Variants in MBNL2 observed in about 807,000 individuals in gnomAD.
The protein encoded by MBNL2 is muscleblind-like protein 2.
A neutral mutation model predicts 41.9 loss-of-function variants in MBNL2; 17 were observed. The ratio of observed to expected loss-of-function variants is 0.41; its 90% CI spans 0.28 to 0.61. The LOEUF (loss-of-function observed/expected upper bound fraction) is 0.61, where lower values mean the gene tolerates loss of function less well. MBNL2 is among the 20% of genes least tolerant of loss of function. The pLI is 0.35. For missense variants in MBNL2, 336 were observed against 505.6 expected, an observed-to-expected ratio of 0.66 and a Z score of 3.22; for synonymous variants, 195 against 182.9, an observed-to-expected ratio of 1.07 and a Z score of -0.53.
chr13:97,277,469 A>T (rs1368415746), intron 2 of MBNL2, among the ~76,000 whole-genome samples: 1 of 152,212 alleles, frequency 6.6e-6, no homozygotes, highest in African/African-American at 2.4e-5. Context: ...TAGTTTACAA[A>T]ATAGTGACCC....
intron 7 of MBNL2, among the ~76,000 whole-genome samples, chr13:97,363,262 T>C (rs2063563890): frequency 6.6e-6 from 1 of 152,060 alleles, no homozygotes; most frequent in African/African-American, 2.4e-5. Flanking sequence ...TGGAAGCTCC[T>C]GGAATCCAAA....
the MBNL2 span, among the ~76,000 whole-genome samples, chr13:97,175,702 G>T: frequency 1.3e-5 from 2 of 152,164 alleles, no homozygotes; most frequent in Non-Finnish European, 2.9e-5. Context: ...TTGCCACCCT[G>T]CAAAAGGGTG....
At chr13:97,262,576 C>T (rs1356383648) in intron 1 of MBNL2, among the ~76,000 whole-genome samples, 1 of 152,020 alleles carries the variant, frequency 6.6e-6, no homozygotes, top group Non-Finnish European at 1.5e-5. Flanking sequence ...AAATAAATCC[C>T]TTCTCCCTCT....
chr13:97,264,817 G>A (rs1221013377), intron 1 of MBNL2, among the ~76,000 whole-genome samples: 2 of 152,240 alleles, frequency 1.3e-5, no homozygotes, highest in African/African-American at 4.8e-5. Flanking sequence ...CTATGGCCGG[G>A]GAAGGAAATG....
intron 8 of MBNL2, among the ~76,000 whole-genome samples, chr13:97,377,179 C>T (rs780518888): frequency 2.0e-5 from 3 of 152,278 alleles, no homozygotes; most frequent in East Asian, 1.9e-4. Flanking sequence ...CCCTCTCTAG[C>T]GATGAGGAAA....
At chr13:97,257,360 A>G (rs1192049491) in intron 1 of MBNL2, among the ~76,000 whole-genome samples, 3 of 152,198 alleles carry the variant, frequency 2.0e-5, no homozygotes, top group Non-Finnish European at 4.4e-5. Context: ...TGAGGGTGGT[A>G]TCACAGGTTA....
intron 2 of MBNL2, among the ~76,000 whole-genome samples, chr13:97,323,796 G>T (rs2059695563): frequency 6.6e-6 from 1 of 151,884 alleles, no homozygotes; most frequent in Non-Finnish European, 1.5e-5. Context: ...AAATTTTGTG[G>T]GTACATAGTA....
At chr13:97,207,959 C>T in the MBNL2 span, among the ~76,000 whole-genome samples, 4 of 152,220 alleles carry the variant, frequency 2.6e-5, no homozygotes, top group East Asian at 1.9e-4. Flanking sequence ...CTTAAAGTTC[C>T]GAAATGATCT....
intron 1 of MBNL2, among the ~76,000 whole-genome samples, chr13:97,254,952 G>T (rs1010968102): frequency 6.6e-6 from 1 of 152,146 alleles, no homozygotes; most frequent in Non-Finnish European, 1.5e-5. Flanking sequence ...ACCATTTCAG[G>T]CATTTAGATG....
At chr13:97,234,519 A>G (rs532232184) in intron 1 of MBNL2, among the ~76,000 whole-genome samples, 2 of 152,218 alleles carry the variant, frequency 1.3e-5, no homozygotes, top group Non-Finnish European at 2.9e-5. Context: ...TAGTGAATAG[A>G]TGAAGGTAAA....
chr13:97,288,973 TA>T (rs2055237271), intron 2 of MBNL2, among the ~76,000 whole-genome samples: 1 of 152,210 alleles, frequency 6.6e-6, no homozygotes, highest in East Asian at 1.9e-4. Context: ...TTAAGCTCTG[TA>T]GAACATGATA....
chr13:97,361,249 C>T (rs1006298599), intron 7 of MBNL2, among the ~76,000 whole-genome samples: 2 of 152,112 alleles, frequency 1.3e-5, no homozygotes, highest in African/African-American at 4.8e-5. Context: ...ACAAGACTTT[C>T]TGAAGTAGGA....
chr13:97,226,349 G>C (rs1279262016), intron 1 of MBNL2, among the ~76,000 whole-genome samples: 2 of 152,130 alleles, frequency 1.3e-5, no homozygotes, highest in Non-Finnish European at 2.9e-5. Flanking sequence ...TTAGTGTTTT[G>C]ACAAAGAATG....
the MBNL2 span, among the ~76,000 whole-genome samples, chr13:97,199,802 C>T: frequency 1.3e-5 from 2 of 152,172 alleles, no homozygotes; most frequent in African/African-American, 2.4e-5. Context: ...GAATAGTTTT[C>T]TTATCTTATA....
chr13:97,333,604 A>G (rs2060602715), intron 2 of MBNL2, among the ~76,000 whole-genome samples: 1 of 152,188 alleles, frequency 6.6e-6, no homozygotes, highest in African/African-American at 2.4e-5. Context: ...TGTGTATATC[A>G]CCAAGAAATG....
At chr13:97,203,436 T>G in the MBNL2 span, among the ~76,000 whole-genome samples, 1 of 152,164 alleles carries the variant, frequency 6.6e-6, no homozygotes, top group Non-Finnish European at 1.5e-5. Context: ...ACATTGCTAC[T>G]AGTTTAACCT....
At chr13:97,227,336 G>T (rs968065278) in intron 1 of MBNL2, among the ~76,000 whole-genome samples, 1 of 152,144 alleles carries the variant, frequency 6.6e-6, no homozygotes, top group Admixed American at 6.5e-5. Flanking sequence ...CTCCAGGGTG[G>T]TACATGACCT....
intron 7 of MBNL2, among the ~76,000 whole-genome samples, chr13:97,363,587 G>A (rs1005972691): frequency 1.3e-5 from 2 of 152,076 alleles, no homozygotes. Flanking sequence ...AGCAATATGG[G>A]ATTTTTCTGT....
intron 2 of MBNL2, among the ~76,000 whole-genome samples, chr13:97,277,174 T>C (rs557196105): frequency 6.6e-6 from 1 of 152,256 alleles, no homozygotes; most frequent in Admixed American, 6.5e-5. Context: ...TATACTGAGT[T>C]GGGTGGAGTT....
Sources: allele counts gnomAD v4.1 joint callset (sites outside exome capture counted in the v4.1 genomes callset), GRCh38; gene constraint gnomAD v4.1.1; transcripts MANE v1.5; gene names NCBI Gene and HGNC (gene_info 2026-07-23, HGNC 2026-07-21).